Variants in CADPS2 observed in about 807,000 individuals in gnomAD.
CADPS2 encodes calcium-dependent secretion activator 2.
Under a neutral mutation model 172.5 loss-of-function variants are expected in CADPS2, and 93 were observed. The observed-to-expected ratio is 0.54, with a 90% CI of 0.46 to 0.64. CADPS2 has a LOEUF of 0.64. Ranked by LOEUF, CADPS2 falls within the 30% of genes least tolerant of loss-of-function variation. The pLI, the probability that CADPS2 is intolerant of heterozygous loss-of-function variation, is 0.00. For synonymous variants in CADPS2, 546 were observed against 555.2 expected, an observed-to-expected ratio of 0.98 and a Z score of 0.23; for missense variants, 1,420 against 1,565.9, an observed-to-expected ratio of 0.91 and a Z score of 1.57.
At chr7:122,536,989 AGAG>A (rs1301855636) in intron 8 of CADPS2, among the ~76,000 whole-genome samples, 1 of 152,002 alleles carries the variant, frequency 6.6e-6, no homozygotes, top group Non-Finnish European at 1.5e-5. Context: ...ATGGGCACAT[AGAG>A]GAGAAGACCA....
At chr7:122,530,964 T>C (rs867792813) in intron 8 of CADPS2, among the ~76,000 whole-genome samples, 2 of 152,078 alleles carry the variant, frequency 1.3e-5, no homozygotes, top group Admixed American at 6.5e-5. Flanking sequence ...TAGAATGCCA[T>C]CCCTGGTGGG....
chr7:122,885,925 G>A (rs1824238413), intron 1 of CADPS2, 74 bp downstream of exon 1: 10 of 1,500,300 alleles, frequency 6.7e-6, no homozygotes, highest in Non-Finnish European at 8.2e-6. Flanking sequence ...AAGGACGGGA[G>A]GCGTCCCAGA....
intron 2 of CADPS2, among the ~76,000 whole-genome samples, chr7:122,736,368 G>A (rs962359566): frequency 6.6e-6 from 1 of 152,100 alleles, no homozygotes; most frequent in South Asian, 2.1e-4. Context: ...TGCAAAAAGT[G>A]AATTCTCTAA....
At chr7:122,844,414 T>C (rs1811398466) in intron 1 of CADPS2, among the ~76,000 whole-genome samples, 1 of 152,220 alleles carries the variant, frequency 6.6e-6, no homozygotes, top group Admixed American at 6.5e-5. Flanking sequence ...ACAACTCTCA[T>C]TTCCAGGAGA....
At chr7:122,421,686 A>T (rs2048548372) in intron 17 of CADPS2, among the ~76,000 whole-genome samples, 1 of 152,112 alleles carries the variant, frequency 6.6e-6, no homozygotes, top group Non-Finnish European at 1.5e-5. Flanking sequence ...ATAAGGTAGA[A>T]TATGGCAACC....
chr7:122,880,679 T>C (rs1822676785), intron 1 of CADPS2, among the ~76,000 whole-genome samples: 1 of 152,214 alleles, frequency 6.6e-6, no homozygotes, highest in African/African-American at 2.4e-5. Flanking sequence ...ACAACCTGGA[T>C]AATGAGATTG....
At chr7:122,546,277 G>C (rs1240358595) in intron 8 of CADPS2, among the ~76,000 whole-genome samples, 1 of 152,054 alleles carries the variant, frequency 6.6e-6, no homozygotes, top group Non-Finnish European at 1.5e-5. Context: ...TCTACATAGG[G>C]GGCTGTGGCC....
intron 11 of CADPS2, among the ~76,000 whole-genome samples, chr7:122,486,222 C>T (rs2057798943): frequency 1.3e-5 from 2 of 152,092 alleles, no homozygotes; most frequent in African/African-American, 4.8e-5. Flanking sequence ...AAGGCTATAG[C>T]TGCCATACAT....
At chr7:122,826,228 T>A (rs1156395357) in intron 1 of CADPS2, among the ~76,000 whole-genome samples, 7 of 152,136 alleles carry the variant, frequency 4.6e-5, no homozygotes, top group Non-Finnish European at 1.0e-4. Flanking sequence ...CCCATCCCCA[T>A]GCCAACTAGG....
Position 122,642,278 on chromosome 7 carries a change from T to C in CADPS2, c.787-12950A>G, listed in dbSNP as rs57189783. The stretch of plus-strand genomic sequence containing the variant: ...CTGGAAGGCACAGTGAGACTCCATC[T>C]CAAAAAAAAAAAAAAAAGGAGAAAT... On this transcript the variant is annotated intron_variant, in intron 3 of 29. Coordinates refer to ENST00000449022, the MANE Select transcript of CADPS2 (RefSeq NM_017954.11). Among the ~76,000 whole-genome samples the C allele has an allele frequency of 6.0e-3, 443 of 73,512 alleles. 4 individuals carry two copies. The highest frequency in any genetic ancestry group is 0.019 in the African/African-American group (420 of 21,574). 48.2% of individuals were successfully genotyped at this position (73,512 alleles called of 152,430 possible).
chr7:122,470,467 G>A (rs2055772033), intron 14 of CADPS2, among the ~76,000 whole-genome samples: 1 of 151,652 alleles, frequency 6.6e-6, no homozygotes, highest in South Asian at 2.1e-4. Context: ...GAAGGGGAGT[G>A]ATATGGACAG....
chr7:122,619,725 A>T (rs1331190860), intron 5 of CADPS2, among the ~76,000 whole-genome samples: 1 of 152,194 alleles, frequency 6.6e-6, no homozygotes, highest in Non-Finnish European at 1.5e-5. Context: ...AAACAGAAAA[A>T]GTTGACGTTT....
At chr7:122,634,738 T>C (rs191286855) in intron 3 of CADPS2, among the ~76,000 whole-genome samples, 17 of 152,282 alleles carry the variant, frequency 1.1e-4, no homozygotes, top group Admixed American at 2.6e-4. Flanking sequence ...TCTAGGTATA[T>C]TGTTAGATCG....
At chr7:122,701,454 C>T (rs929399852) in intron 2 of CADPS2, among the ~76,000 whole-genome samples, 15 of 151,724 alleles carry the variant, frequency 9.9e-5, no homozygotes, top group Admixed American at 7.2e-4. Context: ...GTGGGGGAAG[C>T]GGGGAGGGAT....
At chr7:122,516,074 T>A (rs927930772) in intron 8 of CADPS2, among the ~76,000 whole-genome samples, 2 of 152,088 alleles carry the variant, frequency 1.3e-5, no homozygotes, top group African/African-American at 4.8e-5. Context: ...CATGTTGTAT[T>A]AGGGGTTAGT....
chr7:122,408,053 T>G (rs914716939), intron 19 of CADPS2, among the ~76,000 whole-genome samples: 1 of 152,080 alleles, frequency 6.6e-6, no homozygotes, highest in African/African-American at 2.4e-5. Context: ...GTGTATTTAC[T>G]TCCAATATTT....
At chr7:122,393,066 A>T (rs1487476983) in intron 22 of CADPS2, 130 bp downstream of exon 22, 8 of 448,026 alleles carry the variant, frequency 1.8e-5, no homozygotes, top group African/African-American at 1.1e-4. Flanking sequence ...AAACTCAAAT[A>T]AAAAAAAAAA....
chr7:122,406,641 T>C (rs749341326), intron 20 of CADPS2, among the ~76,000 whole-genome samples: 25 of 152,120 alleles, frequency 1.6e-4, no homozygotes, highest in Non-Finnish European at 2.6e-4. Flanking sequence ...AACCCTATCG[T>C]GAGACAGAGT....
chr7:122,884,684 A>C (rs545861724), intron 1 of CADPS2, among the ~76,000 whole-genome samples: 1 of 152,294 alleles, frequency 6.6e-6, no homozygotes, highest in African/African-American at 2.4e-5. Context: ...ACCACTTAAA[A>C]TTTTTTTCTA....
Sources: allele counts gnomAD v4.1 joint callset (sites outside exome capture counted in the v4.1 genomes callset), GRCh38; gene constraint gnomAD v4.1.1; transcripts MANE v1.5; gene names NCBI Gene and HGNC (gene_info 2026-07-23, HGNC 2026-07-21).